SPAG17: variants seen among roughly 807,000 people sequenced by gnomAD.
SPAG17 encodes the protein sperm-associated antigen 17.
Under a neutral mutation model 273.6 loss-of-function variants are expected in SPAG17, and 169 were observed. The ratio of observed to expected loss-of-function variants is 0.62; its 90% CI spans 0.55 to 0.70. The LOEUF (loss-of-function observed/expected upper bound fraction) is 0.70. Among genes scored for constraint, SPAG17 ranks in the 30% least tolerant of loss-of-function variants. The pLI, the probability that SPAG17 is intolerant of heterozygous loss-of-function variation, is 0.00. For missense variants in SPAG17, 2,557 were observed against 2,627.8 expected (o/e 0.97, Z 0.59); for synonymous variants, 825 against 873.2 (o/e 0.94, Z 0.97).
At chr1:117,968,741 T>A (rs146561480) in intron 46 of SPAG17, among the ~76,000 whole-genome samples, 1 of 152,162 alleles carries the variant, frequency 6.6e-6, no homozygotes, top group African/African-American at 2.4e-5. Flanking sequence ...TGGGGCTGCT[T>A]TAAGAGCTTC....
chr1:118,100,629 A>T (rs1656006116), intron 5 of SPAG17, among the ~76,000 whole-genome samples: 1 of 152,120 alleles, frequency 6.6e-6, no homozygotes, highest in Non-Finnish European at 1.5e-5. Context: ...TTGCCCATGG[A>T]CTTCATAATA....
chr1:118,142,280 T>C (rs535451262), intron 3 of SPAG17, among the ~76,000 whole-genome samples: 1 of 152,272 alleles, frequency 6.6e-6, no homozygotes, highest in East Asian at 1.9e-4. Flanking sequence ...GTCAAATTCG[T>C]AGAAACAGAA....
chr1:118,111,553 AACACACACACAC>A (rs61266210), intron 4 of SPAG17, among the ~76,000 whole-genome samples: 8 of 135,854 alleles, frequency 5.9e-5, no homozygotes, highest in Non-Finnish European at 9.3e-5. Flanking sequence ...CTTTTAAAAC[AACACACACACAC>A]ACACACACAC....
chr1:118,112,671 C>T (rs72631727), intron 4 of SPAG17, among the ~76,000 whole-genome samples: 9,352 of 151,916 alleles, frequency 0.062, 451 homozygotes, highest in East Asian at 0.26. Context: ...TAAATGTTTT[C>T]GGATAGATTT....
At chr1:118,133,965 T>G (rs1302633128) in intron 3 of SPAG17, among the ~76,000 whole-genome samples, 1 of 152,190 alleles carries the variant, frequency 6.6e-6, no homozygotes, top group Non-Finnish European at 1.5e-5. Context: ...TATGATTAAA[T>G]GTTCAACCTT....
intron 1 of SPAG17, among the ~76,000 whole-genome samples, chr1:118,161,037 G>A (rs1472772460): frequency 2.0e-5 from 3 of 152,184 alleles, no homozygotes; most frequent in Non-Finnish European, 2.9e-5. Flanking sequence ...ATGAGTAGTC[G>A]TGCAGCTCAA....
intron 4 of SPAG17, among the ~76,000 whole-genome samples, chr1:118,106,215 T>C (rs6696892): frequency 1.4e-3 from 212 of 152,336 alleles, no homozygotes; most frequent in Non-Finnish European, 1.7e-3. Flanking sequence ...ATTGTCACTA[T>C]TATTATCATC....
chr1:118,132,107 G>A (rs565774729), intron 3 of SPAG17, among the ~76,000 whole-genome samples: 15 of 152,350 alleles, frequency 9.8e-5, no homozygotes, highest in Middle Eastern at 3.4e-3. Context: ...GGAGGTAAGC[G>A]AGGGTGCTGT....
At chr1:117,969,969 TG>T in intron 46 of SPAG17, 86 bp downstream of exon 46, 1 of 1,181,310 alleles carries the variant, frequency 8.5e-7, no homozygotes, top group Non-Finnish European at 1.2e-6. Flanking sequence ...ATGGGCAGAA[TG>T]GTTTCAAAGC....
At chr1:117,957,310 C>T (rs1466328527) in intron 48 of SPAG17, 1 of 1,323,426 alleles carries the variant, frequency 7.6e-7, no homozygotes, top group Non-Finnish European at 1.0e-6. Flanking sequence ...AACTCGGTGG[C>T]TCACACCCGT....
intron 4 of SPAG17, among the ~76,000 whole-genome samples, chr1:118,112,119 A>AT (rs1558021429): frequency 6.6e-6 from 1 of 151,840 alleles, no homozygotes; most frequent in Admixed American, 6.6e-5. Context: ...CTTTTTTTTC[A>AT]TTTTTTTAAT....
intron 48 of SPAG17, among the ~76,000 whole-genome samples, chr1:117,956,907 CAAAG>C (rs1259013409): frequency 3.3e-5 from 5 of 152,114 alleles, no homozygotes; most frequent in Admixed American, 1.3e-4. Flanking sequence ...ATACAAAAAA[CAAAG>C]AGAGTCATCT....
At chr1:117,955,556 G>A (rs973275528) in intron 48 of SPAG17, among the ~76,000 whole-genome samples, 2 of 152,104 alleles carry the variant, frequency 1.3e-5, no homozygotes, top group Non-Finnish European at 2.9e-5. Context: ...AGTATGAAGA[G>A]AGATGCTTTT....
At chr1:118,085,800 C>T in intron 13 of SPAG17, 122 bp downstream of exon 13, 5 of 936,198 alleles carry the variant, frequency 5.3e-6, no homozygotes, top group Non-Finnish European at 7.8e-6. Context: ...AAATACCCAC[C>T]TTAGCCTCTG....
intron 18 of SPAG17, among the ~76,000 whole-genome samples, chr1:118,057,414 C>T (rs1651822384): frequency 6.6e-6 from 1 of 152,106 alleles, no homozygotes; most frequent in Non-Finnish European, 1.5e-5. Flanking sequence ...TTAATCAGAT[C>T]ATGTCTTTCC....
intron 1 of SPAG17, among the ~76,000 whole-genome samples, chr1:118,172,641 A>G (rs188911244): frequency 2.6e-5 from 4 of 152,306 alleles, no homozygotes; most frequent in Admixed American, 6.5e-5. Flanking sequence ...AAGAACCTAA[A>G]CAAGCTTCCA....
At chr1:118,116,960 C>A (rs1657121182) in intron 3 of SPAG17, among the ~76,000 whole-genome samples, 1 of 152,212 alleles carries the variant, frequency 6.6e-6, no homozygotes, top group South Asian at 2.1e-4. Context: ...AGAACCTCAC[C>A]ATTTAATGAT....
chr1:118,004,623 C>T (rs193264380), intron 32 of SPAG17, among the ~76,000 whole-genome samples: 2 of 152,370 alleles, frequency 1.3e-5, no homozygotes, highest in Admixed American at 6.5e-5. Context: ...CCAAGCCAGG[C>T]ATGGGAGAGA....
At chr1:117,994,060 A>T (rs1657394633) in intron 35 of SPAG17, among the ~76,000 whole-genome samples, 1 of 152,194 alleles carries the variant, frequency 6.6e-6, no homozygotes, top group South Asian at 2.1e-4. Flanking sequence ...ATAAGAAATG[A>T]TAGAAGGAAA....
Sources: gnomAD v4.1 joint callset for allele counts (sites outside exome capture counted in the v4.1 genomes callset) on GRCh38, gnomAD v4.1.1 for gene constraint, MANE v1.5 for transcripts, NCBI Gene and HGNC (gene_info 2026-07-23, HGNC 2026-07-21) for gene names.